Variants in PPP6R2 observed in about 807,000 individuals in gnomAD.
PPP6R2 encodes the protein protein phosphatase 6 regulatory subunit 2, also known as serine/threonine-protein phosphatase 6 regulatory subunit 2.
PPP6R2 carries 62 observed loss-of-function variants against 100.2 expected under a neutral mutation model. The observed-to-expected ratio is 0.62, with a 90% CI of 0.50 to 0.76. The LOEUF (loss-of-function observed/expected upper bound fraction) is 0.76. PPP6R2 is among the 30% of genes least tolerant of loss of function. The probability of loss-of-function intolerance (pLI) is 0.00; values close to 1 mark genes in which losing one functional copy is unlikely to be tolerated. For synonymous variants in PPP6R2, 525 were observed against 514.7 expected (o/e 1.02, Z -0.27); for missense variants, 1,142 against 1,276.3 (o/e 0.89, Z 1.60).
At chr22:50,339,954 T>C (rs1349074197), upstream of PPP6R2, among the ~76,000 whole-genome samples, 4 of 123,668 alleles carry the variant, frequency 3.2e-5, no homozygotes, top group South Asian at 8.5e-4. Context: ...TTATGTAGTG[T>C]GTGTGTGTTG....
At chr22:50,433,117 G>C (rs1388175257) in intron 12 of PPP6R2, among the ~76,000 whole-genome samples, 1 of 152,296 alleles carries the variant, frequency 6.6e-6, no homozygotes, top group Non-Finnish European at 1.5e-5. Flanking sequence ...GGGTGAGCCT[G>C]CTGCACGTGG....
the PPP6R2 span, among the ~76,000 whole-genome samples, chr22:50,337,689 GGT>G: frequency 7.6e-6 from 1 of 131,850 alleles, no homozygotes; most frequent in Non-Finnish European, 1.7e-5. Flanking sequence ...TGCCATATGT[GGT>G]GTGGTGTGTG....
intron 3 of PPP6R2, among the ~76,000 whole-genome samples, chr22:50,394,767 A>G (rs1176011970): frequency 1.3e-5 from 2 of 151,746 alleles, no homozygotes; most frequent in Non-Finnish European, 2.9e-5. Flanking sequence ...TTAGCCGGGC[A>G]TGGTGGCGGG....
intron 1 of PPP6R2, among the ~76,000 whole-genome samples, chr22:50,359,455 G>A (rs908401754): frequency 6.6e-6 from 1 of 152,080 alleles, no homozygotes; most frequent in African/African-American, 2.4e-5. Context: ...CTGACCTTGT[G>A]ATCTGCCCGC....
intron 4 of PPP6R2, among the ~76,000 whole-genome samples, chr22:50,411,791 A>G (rs1330457577): frequency 6.6e-6 from 1 of 151,324 alleles, no homozygotes; most frequent in Non-Finnish European, 1.5e-5. Flanking sequence ...CACGCCTGTA[A>G]TCCCAGCACT....
Position 50,431,424 on chromosome 22 carries a change from C to T in PPP6R2, c.1335+42C>T, listed in dbSNP as rs1274391177. 3.2e-6 allele frequency: 5 copies of T among 1,546,038 alleles called. No individual in the cohort carries two copies. The highest frequency in any genetic ancestry group is 4.4e-6 in the Non-Finnish European group (5 of 1,129,844). The stretch of plus-strand genomic sequence containing the variant: ...TCCATCTTATCAGCGCCAACTGCGC[C>T]CCACTCAGACCGTGTCCATGTCAGC... On this transcript the variant is annotated intron_variant, in intron 11 of 23. Transcript: ENST00000612753. The surrounding 1 kb of genome is among the most constrained non-coding windows in gnomAD (Gnocchi z 4.8).
At chr22:50,339,523 A>G (rs916845488), upstream of PPP6R2, among the ~76,000 whole-genome samples, 1,412 of 35,448 alleles carry the variant, frequency 0.04, no homozygotes, top group Middle Eastern at 0.05. Flanking sequence ...TGTGTGTGGT[A>G]TGTGGTGTGT....
At chr22:50,430,129 T>C (rs2062866633) in intron 10 of PPP6R2, among the ~76,000 whole-genome samples, 1 of 152,212 alleles carries the variant, frequency 6.6e-6, no homozygotes. Flanking sequence ...GTCAGACCTA[T>C]GTCCCCCTCT....
chr22:50,438,681 G>A lies in PPP6R2; in HGVS notation c.2047G>A (p.Ala683Thr). 1.2e-6 allele frequency: 2 copies of A among 1,613,998 alleles called. No individual in the cohort carries two copies. Among genetic ancestry groups the A allele is most frequent in the Non-Finnish European group, 1.7e-6 (2 of 1,179,990 alleles). The change falls in exon 19 of 24, where the codon GCA (alanine) becomes ACA (threonine). Residue 683 changes from alanine to threonine, a missense_variant. Physicochemically the swap from Ala to Thr is moderately conservative, Grantham distance 58. Coordinates refer to ENST00000612753, the MANE Select transcript of PPP6R2 (RefSeq NM_001242898.2). ...CCAGGATGGGAAGGCGAGCTTGGAA[G>A]CACACAGAGATGCACCTGGGGCAGG... ...GGQDGKASLE[A>T]HRDAPGAGAP... is the part of the protein sequence containing the mutation.
rs202067340 is a variant in PPP6R2, at chr22:50,444,242, G to T, written c.2875G>T (p.Val959Leu). 347 of 1,612,946 alleles carry T rather than the reference G, an allele frequency of 2.2e-4. 3 individuals are homozygous for T. In the South Asian group the frequency reaches 2.7e-3, roughly 13 times the overall value. ...AGAAGGAGCTGCCTTAAATGGCCCA[G>T]TGTGATGCTGCTGCCGCCCGGCCAC... is the stretch of plus-strand genomic sequence containing the variant. ...PPEGAALNGP[V>L] The change falls in exon 24 of 24, where the codon GTG becomes TTG. Residue 959 changes from valine to leucine, a missense_variant. Physicochemically the swap from Val to Leu is conservative, Grantham distance 32. Transcript: ENST00000612753.
At chr22:50,362,457 G>A (rs764146822) in intron 1 of PPP6R2, among the ~76,000 whole-genome samples, 8 of 152,142 alleles carry the variant, frequency 5.3e-5, no homozygotes, top group African/African-American at 1.4e-4. Context: ...GTGCAGCGAC[G>A]TCAGCTCTTC....
At chr22:50,401,677 C>G (rs2058067943) in intron 3 of PPP6R2, among the ~76,000 whole-genome samples, 1 of 151,392 alleles carries the variant, frequency 6.6e-6, no homozygotes, top group African/African-American at 2.4e-5. Context: ...GAGTCTCACT[C>G]TGTCGCCCAG....
At chr22:50,422,147 G>A in intron 8 of PPP6R2, 107 bp from the exon 9 acceptor site, 1 of 1,441,432 alleles carries the variant, frequency 6.9e-7, no homozygotes, top group Non-Finnish European at 9.4e-7. Context: ...TTTCTTTTTG[G>A]GAAAGTTAAA....
chr22:50,373,262 G>A, intron 2 of PPP6R2, among the ~76,000 whole-genome samples: 1 of 123,846 alleles, frequency 8.1e-6, no homozygotes. Flanking sequence ...TTTTTTTTGA[G>A]ACAGAGTCTT....
the PPP6R2 span, among the ~76,000 whole-genome samples, chr22:50,334,122 C>CG: frequency 6.6e-6 from 1 of 152,230 alleles, no homozygotes; most frequent in African/African-American, 2.4e-5. Flanking sequence ...GGAGCGTGAC[C>CG]GCTGAAGCAC....
At position 50,390,210 on chromosome 22, in the gene PPP6R2, T is replaced by G. The variant is rs184455757; in HGVS notation, c.-16-3683T>G. Among the ~76,000 whole-genome samples the G allele has an allele frequency of 6.8e-3, 1,038 of 152,160 alleles. 2 individuals are homozygous for G. Among genetic ancestry groups the G allele is most frequent in the Non-Finnish European group, 0.01 (687 of 68,000 alleles). Reference sequence around the variant, plus strand: ...TTTCACCATGTTGGTCAGGCTGGTCTCAAACTCCTGACCTCAGGTGATCCA... The same window carrying G: ...TTTCACCATGTTGGTCAGGCTGGTCGCAAACTCCTGACCTCAGGTGATCCA... On this transcript the variant is annotated intron_variant, in intron 2 of 23. Transcript: ENST00000612753.
intron 2 of PPP6R2, among the ~76,000 whole-genome samples, chr22:50,389,897 T>C (rs1305161755): frequency 1.3e-5 from 2 of 151,854 alleles, no homozygotes; most frequent in East Asian, 3.9e-4. Context: ...CCTGATGTGA[T>C]CATTTTTGAG....
At chr22:50,350,702 G>A (rs1006295142) in intron 1 of PPP6R2, among the ~76,000 whole-genome samples, 3 of 151,566 alleles carry the variant, frequency 2.0e-5, no homozygotes, top group South Asian at 2.1e-4. Flanking sequence ...AAAATTAGCC[G>A]GGTGTGGTGG....
chr22:50,401,390 G>A (rs1316311572), intron 3 of PPP6R2, among the ~76,000 whole-genome samples: 2 of 151,036 alleles, frequency 1.3e-5, no homozygotes, highest in Admixed American at 6.6e-5. Flanking sequence ...ATATTTTTTA[G>A]TAGAGACGGG....
Sources: allele counts gnomAD v4.1 joint callset (sites outside exome capture counted in the v4.1 genomes callset), GRCh38; gene constraint gnomAD v4.1.1; non-coding constraint Gnocchi (gnomAD v3.1); transcripts MANE v1.5; gene names NCBI Gene and HGNC (gene_info 2026-07-23, HGNC 2026-07-21).